Variants in UNC5C observed in about 807,000 individuals in gnomAD.
The protein encoded by UNC5C is netrin receptor UNC5C.
UNC5C carries 47 observed loss-of-function variants against 99.8 expected under a neutral mutation model. The ratio of observed to expected loss-of-function variants is 0.47; its 90% confidence interval spans 0.37 to 0.60. The LOEUF is 0.60. UNC5C is among the 20% of genes least tolerant of loss of function. The pLI is 0.00. For missense variants in UNC5C, 1,062 were observed against 1,165.9 expected (o/e 0.91, Z 1.30); for synonymous variants, 487 against 452.2 (o/e 1.08, Z -0.98).
chr4:95,171,776 A>G (rs1394006978), intron 14 of UNC5C, among the ~76,000 whole-genome samples: 1 of 151,722 alleles, frequency 6.6e-6, no homozygotes, highest in Non-Finnish European at 1.5e-5. Flanking sequence ...GCTGGGTCAA[A>G]TGGTATTTCT....
chr4:95,276,403 C>G (rs1333702308), intron 4 of UNC5C, among the ~76,000 whole-genome samples: 1 of 152,034 alleles, frequency 6.6e-6, no homozygotes, highest in African/African-American at 2.4e-5. Context: ...GAATTCACAG[C>G]CAATTAGTTT....
chr4:95,408,611 T>C (rs1579390030), intron 1 of UNC5C, among the ~76,000 whole-genome samples: 1 of 152,208 alleles, frequency 6.6e-6, no homozygotes, highest in East Asian at 1.9e-4. Context: ...AACTGAACAC[T>C]GAACCGTTTA....
intron 11 of UNC5C, among the ~76,000 whole-genome samples, chr4:95,205,430 C>T (rs550948353): frequency 9.2e-5 from 14 of 152,176 alleles, no homozygotes; most frequent in African/African-American, 3.4e-4. Flanking sequence ...CAGTGATCCC[C>T]TGATATGGTC....
chr4:95,534,393 C>T (rs544717701), intron 1 of UNC5C, among the ~76,000 whole-genome samples: 10 of 152,068 alleles, frequency 6.6e-5, no homozygotes, highest in East Asian at 1.9e-4. Context: ...GAATTTTTTA[C>T]GTTTTGTCTT....
intron 6 of UNC5C, 73 bp downstream of exon 6, chr4:95,244,904 G>T: frequency 6.4e-7 from 1 of 1,552,062 alleles, no homozygotes; most frequent in Non-Finnish European, 8.8e-7. Context: ...AATAAAGTCT[G>T]TGTATCTATT....
At chr4:95,252,482 TCCCCATTAG>T (rs1031406839) in intron 4 of UNC5C, among the ~76,000 whole-genome samples, 11 of 152,234 alleles carry the variant, frequency 7.2e-5, no homozygotes, top group African/African-American at 2.4e-4. Flanking sequence ...TTTTATAACT[TCCCCATTAG>T]CCCCATTAGC....
At chr4:95,454,877 A>G (rs1032811022) in intron 1 of UNC5C, among the ~76,000 whole-genome samples, 12 of 152,118 alleles carry the variant, frequency 7.9e-5, no homozygotes, top group African/African-American at 2.9e-4. Flanking sequence ...ATCGCTGAAC[A>G]TTTCTAATTT....
At chr4:95,214,481 A>G (rs1253805367) in intron 10 of UNC5C, among the ~76,000 whole-genome samples, 2 of 152,242 alleles carry the variant, frequency 1.3e-5, no homozygotes, top group South Asian at 4.1e-4. Context: ...TAGCTTTATC[A>G]ATTTTCTGTT....
intron 1 of UNC5C, among the ~76,000 whole-genome samples, chr4:95,478,454 C>T (rs1432255511): frequency 2.0e-5 from 3 of 151,986 alleles, no homozygotes; most frequent in East Asian, 1.9e-4. Context: ...CCACCGATTT[C>T]GATGGTTCAG....
intron 3 of UNC5C, among the ~76,000 whole-genome samples, chr4:95,293,869 C>G (rs1741576941): frequency 1.3e-5 from 2 of 152,092 alleles, no homozygotes; most frequent in African/African-American, 4.8e-5. Context: ...CTTGCAAAGA[C>G]TGAATGATCT....
At chr4:95,186,501 G>A (rs944376568) in intron 12 of UNC5C, among the ~76,000 whole-genome samples, 2 of 152,148 alleles carry the variant, frequency 1.3e-5, no homozygotes, top group African/African-American at 2.4e-5. Flanking sequence ...TGGCTACCAC[G>A]ATCATTGATT....
chr4:95,451,944 G>T (rs265050), intron 1 of UNC5C, among the ~76,000 whole-genome samples: 52,494 of 151,898 alleles, frequency 0.35, 9,512 homozygotes, highest in African/African-American at 0.43. Context: ...CTTGAAACAT[G>T]GTCGTGTCTG....
At chr4:95,377,055 G>T (rs535784167) in intron 1 of UNC5C, among the ~76,000 whole-genome samples, 24 of 152,198 alleles carry the variant, frequency 1.6e-4, no homozygotes, top group Non-Finnish European at 2.9e-4. Context: ...TCACTGTTCA[G>T]TAGTAGCCAG....
intron 3 of UNC5C, among the ~76,000 whole-genome samples, chr4:95,292,216 TACACAC>T (rs1301879539): frequency 1.6e-5 from 2 of 125,186 alleles, no homozygotes; most frequent in Admixed American, 8.6e-5. Context: ...TACATATATA[TACACAC>T]ACACACACAC....
Position 95,423,468 on chromosome 4 carries a change from G to A in UNC5C, c.125-87837C>T, listed in dbSNP as rs538920707. ...ATTACGAGGTCATGGAATTGTATGT[G>A]AGGGATTCTATCCATGGATCACTAC... On this transcript the variant is annotated intron_variant, in intron 1 of 15. Transcript: ENST00000453304. 1.0e-3 allele frequency among the ~76,000 whole-genome samples: 153 copies of A among 152,316 alleles called. 1 individual carries two copies. The highest frequency in any genetic ancestry group is 3.6e-3 in the African/African-American group (151 of 41,562).
chr4:95,181,618 C>A (rs528722409), intron 14 of UNC5C, among the ~76,000 whole-genome samples: 1 of 152,026 alleles, frequency 6.6e-6, no homozygotes, highest in Non-Finnish European at 1.5e-5. Flanking sequence ...GATAGGGCTG[C>A]GCATCCGAAG....
chr4:95,525,842 G>C (rs537337786), intron 1 of UNC5C, among the ~76,000 whole-genome samples: 1 of 152,068 alleles, frequency 6.6e-6, no homozygotes, highest in Non-Finnish European at 1.5e-5. Flanking sequence ...TATCAACTCT[G>C]GCAAAATAGA....
At chr4:95,250,054 G>T (rs954542781) in intron 5 of UNC5C, among the ~76,000 whole-genome samples, 1 of 151,994 alleles carries the variant, frequency 6.6e-6, no homozygotes, top group Non-Finnish European at 1.5e-5. Flanking sequence ...GAGAGAAGAG[G>T]GCTTATAGAA....
intron 4 of UNC5C, among the ~76,000 whole-genome samples, chr4:95,272,562 A>C (rs942867776): frequency 6.6e-6 from 1 of 152,202 alleles, no homozygotes; most frequent in African/African-American, 2.4e-5. Context: ...TCACCCCAAA[A>C]AGTATGGGAT....
Sources: gnomAD v4.1 joint callset for allele counts (sites outside exome capture counted in the v4.1 genomes callset) on GRCh38, gnomAD v4.1.1 for gene constraint, MANE v1.5 for transcripts, NCBI Gene and HGNC (gene_info 2026-07-23, HGNC 2026-07-21) for gene names.